The following CDH12 variants were observed in gnomAD, a reference collection of about 807,000 sequenced individuals.
CDH12 encodes the protein cadherin 12.
Under a neutral mutation model 74.1 loss-of-function variants are expected in CDH12, and 41 were observed. That is an observed-to-expected ratio of 0.55 (90% CI 0.43 to 0.72). The LOEUF (loss-of-function observed/expected upper bound fraction) is 0.72. Ranked by LOEUF, CDH12 falls within the 30% of genes least tolerant of loss-of-function variation. The pLI, the probability that CDH12 is intolerant of heterozygous loss-of-function variation, is 0.00. For synonymous variants in CDH12, 399 were observed against 355.0 expected (o/e 1.12, Z -1.39); for missense variants, 945 against 977.2 (o/e 0.97, Z 0.44).
At chr5:22,104,331 G>A (rs1338069361) in intron 4 of CDH12, among the ~76,000 whole-genome samples, 1 of 152,062 alleles carries the variant, frequency 6.6e-6, no homozygotes, top group East Asian at 1.9e-4. Flanking sequence ...AAATGTTTTT[G>A]GATCAAAGTT....
intron 3 of CDH12, among the ~76,000 whole-genome samples, chr5:22,244,741 A>AAAGAAAGAAAGAAAG (rs1397753415): frequency 2.7e-4 from 1 of 3,672 alleles, no homozygotes; most frequent in Non-Finnish European, 8.3e-4. Context: ...GAAAGAAAGA[A>AAAGAAAGAAAGAAAG]AAGAAAGAAA....
chr5:22,744,099 G>T (rs759497280), intron 1 of CDH12, among the ~76,000 whole-genome samples: 1 of 152,048 alleles, frequency 6.6e-6, no homozygotes, highest in Non-Finnish European at 1.5e-5. Flanking sequence ...GGGTCTCTAT[G>T]ATCAAACCCA....
chr5:21,810,809 T>C (rs1055088991), intron 9 of CDH12, among the ~76,000 whole-genome samples: 14 of 152,286 alleles, frequency 9.2e-5, no homozygotes, highest in African/African-American at 3.4e-4. Flanking sequence ...ATTTTAAACT[T>C]AAACTGAGGC....
chr5:22,744,925 G>C (rs1331541664), intron 1 of CDH12, among the ~76,000 whole-genome samples: 1 of 151,692 alleles, frequency 6.6e-6, no homozygotes, highest in Non-Finnish European at 1.5e-5. Context: ...TAACAGGGTG[G>C]GTAGGAGAGT....
At chr5:22,836,586 C>T (rs1266926796) in intron 1 of CDH12, among the ~76,000 whole-genome samples, 1 of 152,004 alleles carries the variant, frequency 6.6e-6, no homozygotes, top group African/African-American at 2.4e-5. Context: ...TTCTACATAA[C>T]ATGGACAAAA....
chr5:22,118,392 T>C (rs747397646), intron 4 of CDH12, among the ~76,000 whole-genome samples: 34 of 152,068 alleles, frequency 2.2e-4, no homozygotes, highest in Non-Finnish European at 4.0e-4. Flanking sequence ...GTTGTTGTCG[T>C]CTCTAAAACC....
intron 1 of CDH12, among the ~76,000 whole-genome samples, chr5:22,527,307 T>C (rs1450778069): frequency 6.6e-6 from 1 of 152,168 alleles, no homozygotes. Flanking sequence ...TGTTTGGGAA[T>C]TGATTGAGAG....
At chr5:21,794,227 A>T (rs1746655442) in intron 10 of CDH12, among the ~76,000 whole-genome samples, 1 of 151,572 alleles carries the variant, frequency 6.6e-6, no homozygotes, top group African/African-American at 2.4e-5. Context: ...ATTGTAGTCC[A>T]GTTGATCTCT....
At chr5:22,760,696 A>C (rs1199185394) in intron 1 of CDH12, among the ~76,000 whole-genome samples, 29 of 151,166 alleles carry the variant, frequency 1.9e-4, no homozygotes, top group African/African-American at 6.3e-4. Flanking sequence ...AAAAAAAAAA[A>C]AAAACAAAAA....
At chr5:22,416,279 G>A (rs1743387778) in intron 2 of CDH12, among the ~76,000 whole-genome samples, 1 of 151,416 alleles carries the variant, frequency 6.6e-6, no homozygotes, top group Non-Finnish European at 1.5e-5. Flanking sequence ...GTTTCACCGT[G>A]TTAGCCAGGA....
rs562081943 is a variant in CDH12, at chr5:22,437,965, G to A, written c.-427-32614C>T. 3.9e-5 allele frequency among the ~76,000 whole-genome samples: 6 copies of A among 152,020 alleles called. No individual in the cohort carries two copies. The South Asian group carries it at 1.2e-3, about 32-fold the overall frequency. ...ATTTTCATAAAATTTATTCAATAGA[G>A]CCTTGTTTGGGATTAAAGATAGCTA... On this transcript the variant is annotated intron_variant, in intron 2 of 14. Transcript: ENST00000382254.
chr5:22,462,457 T>C (rs1015279395), intron 2 of CDH12, among the ~76,000 whole-genome samples: 10 of 152,194 alleles, frequency 6.6e-5, no homozygotes, highest in Admixed American at 1.3e-4. Context: ...TTTCCATTTT[T>C]GAAACAGCAA....
At chr5:22,262,327 T>A (rs1295106647) in intron 3 of CDH12, among the ~76,000 whole-genome samples, 2 of 142,706 alleles carry the variant, frequency 1.4e-5, no homozygotes, top group Non-Finnish European at 3.0e-5. Context: ...GTCCATGTGA[T>A]CTCATTGTTC....
intron 1 of CDH12, among the ~76,000 whole-genome samples, chr5:22,697,586 A>AAG (rs1554059818): frequency 4.0e-4 from 61 of 151,464 alleles, no homozygotes; most frequent in African/African-American, 9.9e-4. Context: ...AAAAAAAAAA[A>AAG]AAAGAAAGAA....
Position 22,114,704 on chromosome 5 carries a change from T to C in CDH12, c.-186-35842A>G, listed in dbSNP as rs538116003. Among the ~76,000 whole-genome samples, 7 of 152,318 alleles carry C rather than the reference T, an allele frequency of 4.6e-5. No homozygotes were observed. In the East Asian group the frequency reaches 1.4e-3, roughly 29 times the overall value. ...AGAGTAGTGTTGTGGTTTCCATATATGGAATCAGTGTGTACATAAGGATTC... is the reference window on the plus strand; with the variant it reads ...AGAGTAGTGTTGTGGTTTCCATATACGGAATCAGTGTGTACATAAGGATTC... On this transcript the variant is annotated intron_variant, in intron 4 of 14. Transcript: ENST00000382254.
intron 3 of CDH12, among the ~76,000 whole-genome samples, chr5:22,322,121 T>G (rs963575035): frequency 1.3e-5 from 2 of 152,104 alleles, no homozygotes; most frequent in African/African-American, 4.8e-5. Context: ...CTGTGTAGGA[T>G]GAGAGTCAGG....
chr5:21,952,848 A>G (rs1344355506), intron 6 of CDH12, among the ~76,000 whole-genome samples: 1 of 151,332 alleles, frequency 6.6e-6, no homozygotes, highest in African/African-American at 2.4e-5. Flanking sequence ...TATTAACCCT[A>G]TATAATGTGG....
intron 1 of CDH12, among the ~76,000 whole-genome samples, chr5:22,662,068 G>C (rs568181111): frequency 1.2e-4 from 18 of 152,196 alleles, no homozygotes; most frequent in African/African-American, 4.1e-4. Context: ...AGTGTGCACT[G>C]AACTCTAAGT....
At chr5:22,707,292 G>A (rs911992720) in intron 1 of CDH12, among the ~76,000 whole-genome samples, 6 of 152,056 alleles carry the variant, frequency 3.9e-5, no homozygotes, top group South Asian at 2.1e-4. Context: ...AATTAAATCC[G>A]TCTTTGTAAA....
Sources: gnomAD v4.1 joint callset for allele counts (sites outside exome capture counted in the v4.1 genomes callset) on GRCh38, gnomAD v4.1.1 for gene constraint, MANE v1.5 for transcripts, NCBI Gene and HGNC (gene_info 2026-07-23, HGNC 2026-07-21) for gene names.